Variants in RAPGEF2 observed in about 807,000 individuals in gnomAD.
The protein encoded by RAPGEF2 is PDZ domain containing guanine nucleotide exchange factor (GEF) 1.
RAPGEF2 carries 54 observed loss-of-function variants against 186.7 expected under a neutral mutation model. That is an observed-to-expected ratio of 0.29 (90% CI 0.23 to 0.36). The LOEUF (loss-of-function observed/expected upper bound fraction) is 0.36, where lower values mean the gene tolerates loss of function less well. Ranked by LOEUF, RAPGEF2 falls within the 10% of genes least tolerant of loss-of-function variation. RAPGEF2 has a pLI of 1.00. For synonymous variants in RAPGEF2, 712 were observed against 705.9 expected (o/e 1.01, Z -0.14); for missense variants, 1,532 against 2,045.0 (o/e 0.75, Z 4.84).
At chr4:159,147,657 T>C (rs1048230918) in intron 1 of RAPGEF2, among the ~76,000 whole-genome samples, 1 of 152,222 alleles carries the variant, frequency 6.6e-6, no homozygotes, top group Non-Finnish European at 1.5e-5. Context: ...TGAAAGCTGA[T>C]TACAAAACAG....
chr4:159,251,369 G>A (rs1286461573), intron 7 of RAPGEF2, among the ~76,000 whole-genome samples: 1 of 152,254 alleles, frequency 6.6e-6, no homozygotes, highest in African/African-American at 2.4e-5. Flanking sequence ...GATCCACTAG[G>A]CAAAGCCAGC....
At chr4:159,267,158 G>C (rs1462966801) in intron 7 of RAPGEF2, 2 of 1,278,816 alleles carry the variant, frequency 1.6e-6, no homozygotes, top group South Asian at 2.5e-5. Flanking sequence ...CAGGTTAAGA[G>C]ACAGACTACA....
chr4:159,279,257 C>T (rs975803523), intron 7 of RAPGEF2, among the ~76,000 whole-genome samples: 5 of 152,206 alleles, frequency 3.3e-5, no homozygotes, highest in African/African-American at 4.8e-5. Context: ...CACAAGCTAA[C>T]GCCTGGTGGA....
chr4:159,353,479 C>T lies in RAPGEF2; in HGVS notation c.4092-8C>T, dbSNP rs1020147830. ...TTTTTTTCTTTTCCATTTCTTTTAA[C>T]CACTTAGGTCCTATGCACCAATGTC... On this transcript the variant is annotated splice_region_variant and splice_polypyrimidine_tract_variant and intron_variant, in intron 27 of 29. Coordinates refer to ENST00000691494, the MANE Select transcript of RAPGEF2 (RefSeq NM_001394067.2). The surrounding 1 kb of genome is among the most constrained non-coding windows in gnomAD (Gnocchi z 4.3). The T allele has an allele frequency of 7.2e-7, 1 of 1,391,128 alleles. No individual in the cohort carries two copies. Among genetic ancestry groups the T allele is most frequent in the Non-Finnish European group, 9.4e-7 (1 of 1,064,956 alleles). The allele number at this position is 1,391,128 out of a possible 1,614,324, so 86.2% of individuals were successfully genotyped here. A position where few individuals can be genotyped will look rare whatever the true frequency, so the allele number is the denominator to read the frequency against.
intron 23 of RAPGEF2, 142 bp from the exon 24 acceptor site, chr4:159,344,964 A>T: frequency 1.5e-6 from 1 of 645,744 alleles, no homozygotes; most frequent in South Asian, 2.0e-5. Flanking sequence ...ATTATTCTAT[A>T]TTCCTGTGTA....
At chr4:159,319,144 G>A (rs1382416796) in intron 9 of RAPGEF2, among the ~76,000 whole-genome samples, 8 of 151,810 alleles carry the variant, frequency 5.3e-5, no homozygotes, top group Admixed American at 4.6e-4. Context: ...TCAGAGTTTT[G>A]AGCCCCCTGT....
At chr4:159,260,811 C>T (rs1003520147) in intron 7 of RAPGEF2, among the ~76,000 whole-genome samples, 5 of 152,064 alleles carry the variant, frequency 3.3e-5, no homozygotes, top group South Asian at 2.1e-4. Flanking sequence ...TGCAATGGCG[C>T]GATCTCGGCT....
chr4:159,252,704 TAA>T (rs1225322561), intron 7 of RAPGEF2, among the ~76,000 whole-genome samples: 1 of 152,202 alleles, frequency 6.6e-6, no homozygotes, highest in African/African-American at 2.4e-5. Context: ...ACAGGAAATC[TAA>T]GGACAGTTGA....
At position 159,238,685 on chromosome 4, in the gene RAPGEF2, C is replaced by CA. The variant is rs1376897131; in HGVS notation, c.282-122dup. On this transcript the variant is annotated intron_variant, in intron 4 of 29. Coordinates refer to ENST00000691494, the MANE Select transcript of RAPGEF2 (RefSeq NM_001394067.2). Reference sequence around the variant, plus strand: ...ATTATTAAAGATAATTCACTTTCTCCAATGTGTACTTTTTGTAATTGTTTT... The same window carrying CA: ...ATTATTAAAGATAATTCACTTTCTCCAAATGTGTACTTTTTGTAATTGTTTT... 9 of 532,042 alleles carry CA rather than the reference C, an allele frequency of 1.7e-5. No homozygotes were observed. In the East Asian group the frequency reaches 2.9e-4, roughly 17 times the overall value. 33.0% of individuals were successfully genotyped at this position (532,042 alleles called of 1,614,324 possible).
At chr4:159,210,433 A>C in intron 3 of RAPGEF2, 67 bp from the exon 4 acceptor site, 1 of 1,055,784 alleles carries the variant, frequency 9.5e-7, no homozygotes, top group Non-Finnish European at 1.4e-6. Context: ...ACTTTGTGCT[A>C]TATGTTTTAA....
At chr4:159,133,006 CTTGT>C (rs1741278474) in intron 1 of RAPGEF2, among the ~76,000 whole-genome samples, 1 of 151,730 alleles carries the variant, frequency 6.6e-6, no homozygotes, top group African/African-American at 2.4e-5. Context: ...ATTTTCATTG[CTTGT>C]TTATTCTTCC....
intron 1 of RAPGEF2, among the ~76,000 whole-genome samples, chr4:159,127,256 A>C (rs1480681387): frequency 6.6e-6 from 1 of 152,110 alleles, no homozygotes; most frequent in Non-Finnish European, 1.5e-5. Context: ...TGAATTCCTG[A>C]CCTCAGGTGA....
chr4:159,308,489 C>A (rs1763571053), intron 8 of RAPGEF2, among the ~76,000 whole-genome samples: 1 of 152,172 alleles, frequency 6.6e-6, no homozygotes. Flanking sequence ...TGCTTCTCTC[C>A]TGTGAATCAA....
intron 7 of RAPGEF2, among the ~76,000 whole-genome samples, chr4:159,295,619 T>C (rs1487141909): frequency 6.6e-6 from 1 of 152,134 alleles, no homozygotes; most frequent in African/African-American, 2.4e-5. Flanking sequence ...TTTCAATGGT[T>C]CTAATAATAA....
rs1732519681 is a variant in RAPGEF2 at position 159,359,715 on chromosome 4, AT to A, written c.*1579del. On this transcript the variant is annotated 3_prime_UTR_variant, in exon 30 of 30. Transcript: ENST00000691494. ...TAATAATTCTCTTCTGTATCATGGC[AT>A]TTGTCTACTTGCTTATTACATTGTC... The A allele has an allele frequency of 6.6e-6, 1 of 152,130 alleles. No individual in the cohort carries two copies. Among genetic ancestry groups the A allele is most frequent in the Non-Finnish European group, 1.5e-5 (1 of 68,026 alleles). The allele number at this position is 152,130 out of a possible 1,614,324, so 9.4% of individuals were successfully genotyped here.
chr4:159,342,531 A>ATTTTG (rs1246685729), intron 20 of RAPGEF2, among the ~76,000 whole-genome samples: 1 of 101,456 alleles, frequency 9.9e-6, no homozygotes, highest in Non-Finnish European at 2.0e-5. Flanking sequence ...CATAGCTTTT[A>ATTTTG]TTTTATTTTA....
intron 1 of RAPGEF2, among the ~76,000 whole-genome samples, chr4:159,123,852 G>A (rs765390055): frequency 1.3e-5 from 2 of 148,666 alleles, no homozygotes; most frequent in African/African-American, 2.5e-5. Flanking sequence ...TGTTGTTATT[G>A]TTGTATTGTT....
intron 2 of RAPGEF2, 80 bp downstream of exon 2, chr4:159,186,792 CT>C: frequency 2.6e-6 from 2 of 771,272 alleles, no homozygotes; most frequent in South Asian, 1.9e-5. Context: ...TAATTTTTTA[CT>C]TTTATTCTTA....
At chr4:159,219,645 A>G (rs6536401) in intron 4 of RAPGEF2, among the ~76,000 whole-genome samples, 104,693 of 152,018 alleles carry the variant, frequency 0.69, 37,587 homozygotes, top group African/African-American at 0.87. Flanking sequence ...GTGAGCCACC[A>G]CGCGCAGCCA....
Sources: allele counts gnomAD v4.1 joint callset (sites outside exome capture counted in the v4.1 genomes callset), GRCh38; gene constraint gnomAD v4.1.1; non-coding constraint Gnocchi (gnomAD v3.1); transcripts MANE v1.5; gene names NCBI Gene and HGNC (gene_info 2026-07-23, HGNC 2026-07-21).